CTNNA3: variants seen among roughly 807,000 people sequenced by gnomAD.
CTNNA3 encodes catenin alpha-3.
Under a neutral mutation model 95.7 loss-of-function variants are expected in CTNNA3, and 76 were observed. The observed-to-expected ratio is 0.79, with a 90% CI of 0.66 to 0.96. The LOEUF (loss-of-function observed/expected upper bound fraction) is 0.96. CTNNA3 is among the 40% of genes least tolerant of loss of function. CTNNA3 has a pLI of 0.00. For missense variants in CTNNA3, 1,191 were observed against 1,089.8 expected (o/e 1.09, Z -1.31); for synonymous variants, 431 against 374.4 (o/e 1.15, Z -1.74).
chr10:66,214,675 CAA>C (rs1202795807), intron 13 of CTNNA3, among the ~76,000 whole-genome samples: 4 of 151,860 alleles, frequency 2.6e-5, no homozygotes, highest in Non-Finnish European at 4.4e-5. Flanking sequence ...TTTCTGAACA[CAA>C]AATGAGAAGA....
intron 12 of CTNNA3, among the ~76,000 whole-genome samples, chr10:66,295,929 T>G (rs2091770466): frequency 7.4e-6 from 1 of 135,560 alleles, no homozygotes; most frequent in Admixed American, 7.4e-5. Context: ...GGAAAAATTT[T>G]GGAGATGGCA....
intron 12 of CTNNA3, among the ~76,000 whole-genome samples, chr10:66,324,765 G>A (rs532258237): frequency 2.0e-5 from 3 of 152,128 alleles, no homozygotes; most frequent in Admixed American, 6.5e-5. Context: ...GATGCATGCC[G>A]GTTGGCCTTC....
intron 7 of CTNNA3, among the ~76,000 whole-genome samples, chr10:67,025,605 C>A (rs1480154972): frequency 6.6e-6 from 1 of 151,902 alleles, no homozygotes. Flanking sequence ...TTTCTTTAAC[C>A]CCTGGAGGAA....
intron 12 of CTNNA3, among the ~76,000 whole-genome samples, chr10:66,333,685 C>T (rs2132329371): frequency 6.6e-6 from 1 of 151,730 alleles, no homozygotes; most frequent in Middle Eastern, 3.4e-3. Flanking sequence ...TGGTGTGGTG[C>T]TGAAAAGAAT....
In CTNNA3 at chr10:67,019,083, T is replaced by C. The variant is rs139488782; in HGVS notation, c.1047+161234A>G. Among the ~76,000 whole-genome samples, 509 of 152,332 alleles carry C rather than the reference T, an allele frequency of 3.3e-3. 1 individual carries two copies. Among genetic ancestry groups the C allele is most frequent in the Non-Finnish European group, 5.6e-3 (383 of 68,026 alleles). The stretch of plus-strand genomic sequence containing the variant: ...GTGCCTGCACTTACTAAATATTTTC[T>C]GAGTTAATTAATGAATCAAGTTCAA... On this transcript the variant is annotated intron_variant, in intron 7 of 17. Transcript: ENST00000433211.
At chr10:66,787,700 T>C (rs886273863) in intron 7 of CTNNA3, among the ~76,000 whole-genome samples, 2 of 152,182 alleles carry the variant, frequency 1.3e-5, no homozygotes, top group African/African-American at 4.8e-5. Context: ...TAGCAAAAGA[T>C]ATTCTTGTTT....
chr10:67,375,246 A>G (rs1326251769), intron 5 of CTNNA3, among the ~76,000 whole-genome samples: 1 of 152,196 alleles, frequency 6.6e-6, no homozygotes, highest in African/African-American at 2.4e-5. Context: ...CTTCCTATAT[A>G]ACATTCAGCA....
In CTNNA3 at chr10:66,075,044, T is replaced by C. The variant is rs192255917; in HGVS notation, c.1978-5555A>G. Among the ~76,000 whole-genome samples, 3 of 151,972 alleles carry C rather than the reference T, an allele frequency of 2.0e-5. No homozygotes were observed. The East Asian group carries it at 5.8e-4, about 29-fold the overall frequency. ...CAAGCTTTTGCCTCTACACAGATCTTAGATTCATTTCTCTTATGCACTTTT... is the reference window on the plus strand; with the variant it reads ...CAAGCTTTTGCCTCTACACAGATCTCAGATTCATTTCTCTTATGCACTTTT... On this transcript the variant is annotated intron_variant, in intron 14 of 17. Transcript: ENST00000433211.
At chr10:66,361,138 G>GT (rs1189064162) in intron 12 of CTNNA3, among the ~76,000 whole-genome samples, 415 of 147,484 alleles carry the variant, frequency 2.8e-3, no homozygotes, top group African/African-American at 8.9e-3. Flanking sequence ...TGAATTTTTT[G>GT]TTTTTTTTTT....
At chr10:66,008,895 T>C (rs532404697) in intron 15 of CTNNA3, among the ~76,000 whole-genome samples, 3 of 151,530 alleles carry the variant, frequency 2.0e-5, no homozygotes, top group African/African-American at 7.3e-5. Context: ...AGGTCAGGAG[T>C]TCAAGACCAG....
At chr10:66,187,016 C>T (rs572270227) in intron 13 of CTNNA3, among the ~76,000 whole-genome samples, 4 of 152,254 alleles carry the variant, frequency 2.6e-5, no homozygotes, top group Admixed American at 1.3e-4. Flanking sequence ...TGAAAACCAG[C>T]AGTTCAACGA....
chr10:66,809,890 C>T (rs183706123), intron 7 of CTNNA3, among the ~76,000 whole-genome samples: 48 of 151,726 alleles, frequency 3.2e-4, no homozygotes, highest in African/African-American at 1.1e-3. Flanking sequence ...CTGCAACCTC[C>T]GCCTCCTGGG....
chr10:66,185,850 C>T (rs1189925047), intron 13 of CTNNA3, among the ~76,000 whole-genome samples: 3 of 151,050 alleles, frequency 2.0e-5, no homozygotes, highest in Non-Finnish European at 4.4e-5. Flanking sequence ...AGATAAGAAC[C>T]CAAATAAAGT....
chr10:66,115,506 TATAGATAGATAGATAGATGATAG>T (rs1322724263), intron 13 of CTNNA3, among the ~76,000 whole-genome samples: 27 of 149,126 alleles, frequency 1.8e-4, no homozygotes, highest in African/African-American at 5.8e-4. Context: ...CAATGGGGAA[TATAGATAGATAGATAGATGATAG>T]ATAGATAGAT....
chr10:66,685,423 A>G (rs1456145091), intron 9 of CTNNA3, among the ~76,000 whole-genome samples: 1 of 109,514 alleles, frequency 9.1e-6, no homozygotes, highest in African/African-American at 3.7e-5. Flanking sequence ...CCCAGGCTGG[A>G]GTGCAGTGGC....
intron 7 of CTNNA3, among the ~76,000 whole-genome samples, chr10:67,074,696 T>C (rs1856658340): frequency 6.6e-6 from 1 of 152,188 alleles, no homozygotes; most frequent in South Asian, 2.1e-4. Context: ...AATGTCCTTC[T>C]AAGAATAGAC....
At chr10:67,405,017 T>C (rs1048190795) in intron 5 of CTNNA3, among the ~76,000 whole-genome samples, 1 of 152,160 alleles carries the variant, frequency 6.6e-6, no homozygotes. Context: ...TCTGAGGGAA[T>C]TTGTTACCAC....
chr10:66,287,708 T>G (rs552808783), intron 12 of CTNNA3, among the ~76,000 whole-genome samples: 1 of 151,926 alleles, frequency 6.6e-6, no homozygotes, highest in Non-Finnish European at 1.5e-5. Flanking sequence ...CTAAGAAAAA[T>G]TTATTTTAAA....
chr10:66,049,479 C>T (rs1382969288), intron 15 of CTNNA3, among the ~76,000 whole-genome samples: 3 of 152,168 alleles, frequency 2.0e-5, no homozygotes, highest in Non-Finnish European at 4.4e-5. Context: ...CATAAAGACA[C>T]ATGCACACAA....
Sources: gnomAD v4.1 joint callset for allele counts (sites outside exome capture counted in the v4.1 genomes callset) on GRCh38, gnomAD v4.1.1 for gene constraint, MANE v1.5 for transcripts, NCBI Gene and HGNC (gene_info 2026-07-23, HGNC 2026-07-21) for gene names.